Variants in NEDD4 observed in about 807,000 individuals in gnomAD.
NEDD4 encodes the protein NEDD4 E3 ubiquitin protein ligase.
Under a neutral mutation model 144.9 loss-of-function variants are expected in NEDD4, and 99 were observed. The observed-to-expected ratio is 0.68, with a 90% confidence interval of 0.58 to 0.81. The LOEUF (loss-of-function observed/expected upper bound fraction) is 0.81, where lower values mean the gene tolerates loss of function less well. Among genes scored for constraint, NEDD4 ranks in the 30% least tolerant of loss-of-function variants. The probability of loss-of-function intolerance (pLI) is 0.00; values close to 1 mark genes in which losing one functional copy is unlikely to be tolerated. For synonymous variants in NEDD4, 318 were observed against 350.6 expected (o/e 0.91, Z 1.04); for missense variants, 985 against 1,065.9 (o/e 0.92, Z 1.06).
chr15:55,842,626 C>T (rs1239513384), intron 18 of NEDD4, among the ~76,000 whole-genome samples: 8 of 152,326 alleles, frequency 5.3e-5, no homozygotes, highest in African/African-American at 1.9e-4. Flanking sequence ...AATCCTCCCG[C>T]CTTGGCCTCC....
rs569092220 is a variant in NEDD4 at position 55,956,031 on chromosome 15, C to T, written c.120-4442G>A. Among the ~76,000 whole-genome samples, 6 of 152,162 alleles carry T rather than the reference C, an allele frequency of 3.9e-5. No homozygotes were observed. In the South Asian group the frequency reaches 1.2e-3, roughly 32 times the overall value. Reference sequence around the variant, plus strand: ...GACAGGGTCTTATCACCAGGCTGGTCTCGAACTCCAGGGCTCAAGTGATCC... The same window carrying T: ...GACAGGGTCTTATCACCAGGCTGGTTTCGAACTCCAGGGCTCAAGTGATCC... On this transcript the variant is annotated intron_variant, in intron 2 of 28. Coordinates refer to ENST00000435532, the MANE Select transcript of NEDD4 (RefSeq NM_006154.4).
At chr15:55,894,880 T>C (rs62043806) in intron 5 of NEDD4, among the ~76,000 whole-genome samples, 21,743 of 152,196 alleles carry the variant, frequency 0.14, 1,696 homozygotes, top group East Asian at 0.36. Flanking sequence ...TAATTATTTC[T>C]AAAGTTAAAA....
At chr15:55,841,545 G>T (rs1472051864) in intron 19 of NEDD4, among the ~76,000 whole-genome samples, 1 of 152,148 alleles carries the variant, frequency 6.6e-6, no homozygotes. Flanking sequence ...CAATGTGAAT[G>T]TATGTAATGA....
chr15:55,873,126 C>T (rs1391185045), intron 6 of NEDD4, among the ~76,000 whole-genome samples: 3 of 152,098 alleles, frequency 2.0e-5, no homozygotes, highest in African/African-American at 7.2e-5. Context: ...TTTTACTTGG[C>T]TCTTTTCCTG....
At chr15:55,840,868 G>C (rs1356251485) in intron 19 of NEDD4, 141 bp from the exon 20 acceptor site, 1 of 856,388 alleles carries the variant, frequency 1.2e-6, no homozygotes, top group Non-Finnish European at 1.8e-6. Context: ...TTTAAAAATA[G>C]TAATTTCTGT....
intron 2 of NEDD4, among the ~76,000 whole-genome samples, chr15:55,961,824 A>C (rs1321932301): frequency 6.6e-6 from 1 of 152,184 alleles, no homozygotes; most frequent in African/African-American, 2.4e-5. Context: ...TGTGTGGTCT[A>C]TGCTAGTGAA....
At chr15:55,878,799 C>G (rs2035081709) in intron 5 of NEDD4, among the ~76,000 whole-genome samples, 1 of 152,120 alleles carries the variant, frequency 6.6e-6, no homozygotes, top group African/African-American at 2.4e-5. Flanking sequence ...ATATAAATCT[C>G]AAAGAAAAGT....
intron 11 of NEDD4, among the ~76,000 whole-genome samples, 167 bp from the exon 12 acceptor site, chr15:55,856,363 A>G (rs761948091): frequency 2.6e-5 from 4 of 152,060 alleles, no homozygotes; most frequent in Non-Finnish European, 4.4e-5. Flanking sequence ...TCAGCCCCCT[A>G]CGTGGACACC....
At chr15:55,937,621 A>G (rs2036918342) in intron 4 of NEDD4, among the ~76,000 whole-genome samples, 1 of 152,240 alleles carries the variant, frequency 6.6e-6, no homozygotes, top group Non-Finnish European at 1.5e-5. Flanking sequence ...AAATAAGGAA[A>G]TGGCAGTAGA....
chr15:55,952,788 T>G (rs2037266867), intron 2 of NEDD4: 1 of 152,182 alleles, frequency 6.6e-6, no homozygotes, highest in Non-Finnish European at 1.5e-5. Flanking sequence ...TGATCTAGGT[T>G]TCTCTAGGCA....
At chr15:55,918,845 T>C (rs546787925) in intron 5 of NEDD4, among the ~76,000 whole-genome samples, 1 of 152,290 alleles carries the variant, frequency 6.6e-6, no homozygotes, top group South Asian at 2.1e-4. Flanking sequence ...CTTTTTCTTT[T>C]AAATAAGGAG....
chr15:55,844,248 G>A, intron 18 of NEDD4, among the ~76,000 whole-genome samples: 1 of 152,146 alleles, frequency 6.6e-6, no homozygotes, highest in East Asian at 1.9e-4. Context: ...GTAGTCTGGG[G>A]CCAGAGGGTG....
intron 4 of NEDD4, among the ~76,000 whole-genome samples, chr15:55,925,434 T>G (rs569580481): frequency 9.5e-4 from 145 of 152,348 alleles, no homozygotes; most frequent in African/African-American, 3.5e-3. Context: ...TATTATTGAC[T>G]TAATAAAATT....
At position 55,924,646 on chromosome 15, in the gene NEDD4, C is replaced by A; in HGVS notation, c.291G>T (p.Leu97Phe). 1.2e-6 allele frequency: 2 copies of A among 1,607,648 alleles called. No individual in the cohort carries two copies. The highest frequency in any genetic ancestry group is 2.2e-5 in the South Asian group (2 of 89,658). Residue 97 changes from leucine to phenylalanine, a missense_variant and splice_region_variant, in exon 5 of 29, where the codon TTG becomes TTT. Transcript: ENST00000435532. ...TTCATATAAGCACAATATAACTTAC[C>A]AATCGGTTTTCGTCAAACACTTCAA... ...LLFEVFDENRLTRDDFLGQVD... is the reference protein window; with the variant it reads ...LLFEVFDENRFTRDDFLGQVD...
At chr15:55,953,504 C>T (rs375430736) in intron 2 of NEDD4, among the ~76,000 whole-genome samples, 10 of 151,718 alleles carry the variant, frequency 6.6e-5, no homozygotes, top group South Asian at 2.1e-4. Context: ...TGCAGTGGCG[C>T]GATCTTGGCT....
chr15:55,884,987 ACTC>A (rs2035334848), intron 5 of NEDD4, among the ~76,000 whole-genome samples: 1 of 152,066 alleles, frequency 6.6e-6, no homozygotes, highest in Non-Finnish European at 1.5e-5. Flanking sequence ...CCTAAATAAG[ACTC>A]CTCAAGATAT....
At position 55,989,142 on chromosome 15, in the gene NEDD4, A is replaced by C. The variant is rs556830829; in HGVS notation, c.45+4369T>G. On this transcript the variant is annotated intron_variant, in intron 1 of 28. Coordinates refer to ENST00000435532, the MANE Select transcript of NEDD4 (RefSeq NM_006154.4). ...TCCCAGCTACCCTGGAGGGTGATGC[A>C]GGAAAATCGCTGGAACCTGGTAGGC... Among the ~76,000 whole-genome samples the C allele has an allele frequency of 5.3e-5, 8 of 152,302 alleles. No homozygotes were observed. The East Asian group carries it at 1.5e-3, about 29-fold the overall frequency.
chr15:55,864,082 G>C (rs2034502315), intron 8 of NEDD4, among the ~76,000 whole-genome samples: 1 of 152,222 alleles, frequency 6.6e-6, no homozygotes, highest in Non-Finnish European at 1.5e-5. Flanking sequence ...CCTTAGGGCA[G>C]TTAAAGTAAG....
chr15:55,976,818 A>G (rs1192319222), intron 1 of NEDD4, among the ~76,000 whole-genome samples: 2 of 151,718 alleles, frequency 1.3e-5, no homozygotes, highest in African/African-American at 4.8e-5. Flanking sequence ...TATTTTTAGT[A>G]CAGACGGGGT....
Sources: allele counts gnomAD v4.1 joint callset (sites outside exome capture counted in the v4.1 genomes callset), GRCh38; gene constraint gnomAD v4.1.1; transcripts MANE v1.5; gene names NCBI Gene and HGNC (gene_info 2026-07-23, HGNC 2026-07-21).